Variants in HECTD2 observed in about 807,000 individuals in gnomAD.
The protein encoded by HECTD2 is HECT domain E3 ubiquitin protein ligase 2, also known as probable E3 ubiquitin-protein ligase HECTD2.
Under a neutral mutation model 103.2 loss-of-function variants are expected in HECTD2, and 35 were observed. The ratio of observed to expected loss-of-function variants is 0.34; its 90% CI spans 0.26 to 0.45. The LOEUF (loss-of-function observed/expected upper bound fraction) is 0.45. HECTD2 is among the 20% of genes least tolerant of loss of function. HECTD2 has a pLI of 1.00. For synonymous variants in HECTD2, 281 were observed against 329.9 expected (o/e 0.85, Z 1.61); for missense variants, 596 against 937.4 (o/e 0.64, Z 4.76).
rs755892571 is a variant in HECTD2, at chr10:91,491,354, AAT to A, written c.1299+50_1299+51del. 43 of 853,594 alleles carry A rather than the reference AAT, an allele frequency of 5.0e-5. No individual in the cohort carries two copies. In the African/African-American group the frequency reaches 7.1e-4, roughly 14 times the overall value. 52.9% of individuals were successfully genotyped at this position (853,594 alleles called of 1,614,324 possible). A position where few individuals can be genotyped will look rare whatever the true frequency, so the allele number is the denominator to read the frequency against. On this transcript the variant is annotated intron_variant, in intron 12 of 20. Coordinates refer to ENST00000298068, the MANE Select transcript of HECTD2 (RefSeq NM_182765.6). ...TATTAATTAAAGCTTAAAATTCTAT[AAT>A]ATGATTATTATAAAAATCATAGTAA...
intron 13 of HECTD2, among the ~76,000 whole-genome samples, 176 bp from the exon 14 acceptor site, chr10:91,493,244 T>G (rs1229351559): frequency 1.3e-5 from 2 of 151,626 alleles, no homozygotes; most frequent in Non-Finnish European, 3.0e-5. Context: ...TTGCTGAGAT[T>G]TGCAAATATA....
At chr10:91,433,358 T>G (rs1437483677) in intron 2 of HECTD2, among the ~76,000 whole-genome samples, 1 of 151,972 alleles carries the variant, frequency 6.6e-6, no homozygotes, top group Non-Finnish European at 1.5e-5. Flanking sequence ...TTTCCTGTGG[T>G]TTTTTAGGCA....
At chr10:91,497,185 A>G (rs962410016) in intron 15 of HECTD2, among the ~76,000 whole-genome samples, 7 of 134,292 alleles carry the variant, frequency 5.2e-5, no homozygotes, top group Non-Finnish European at 1.1e-4. Context: ...CATGTTGGCC[A>G]GGCTGGTCTC....
intron 1 of HECTD2, among the ~76,000 whole-genome samples, chr10:91,419,346 T>C (rs1843257880): frequency 6.6e-6 from 1 of 152,090 alleles, no homozygotes; most frequent in Non-Finnish European, 1.5e-5. Context: ...TAGGAACTCA[T>C]GTATTCAAAT....
intron 20 of HECTD2, among the ~76,000 whole-genome samples, chr10:91,511,453 T>C (rs1847416701): frequency 6.6e-6 from 1 of 152,148 alleles, no homozygotes; most frequent in East Asian, 1.9e-4. Flanking sequence ...CTGCTAGATG[T>C]TTTGTGTATA....
At chr10:91,436,669 G>C (rs1434624460) in intron 2 of HECTD2, among the ~76,000 whole-genome samples, 4 of 151,964 alleles carry the variant, frequency 2.6e-5, no homozygotes, top group Non-Finnish European at 4.4e-5. Flanking sequence ...AAGAGATCTA[G>C]GGAGCTAACT....
chr10:91,445,576 G>C (rs1237505919), intron 2 of HECTD2, among the ~76,000 whole-genome samples: 1 of 152,138 alleles, frequency 6.6e-6, no homozygotes, highest in Non-Finnish European at 1.5e-5. Flanking sequence ...TACAATGAAA[G>C]AAGAGGGAGT....
intron 1 of HECTD2, among the ~76,000 whole-genome samples, chr10:91,417,634 T>A (rs959124335): frequency 2.0e-5 from 3 of 150,672 alleles, no homozygotes; most frequent in Non-Finnish European, 4.4e-5. Flanking sequence ...TTTGTCCTTG[T>A]GATAGTTTGC....
intron 2 of HECTD2, among the ~76,000 whole-genome samples, chr10:91,457,126 T>C (rs1845136147): frequency 6.6e-6 from 1 of 152,078 alleles, no homozygotes; most frequent in African/African-American, 2.4e-5. Flanking sequence ...CAGTTTGAAA[T>C]AGTTAATTTG....
chr10:91,486,293 C>A (rs762429126), intron 10 of HECTD2: 1 of 152,154 alleles, frequency 6.6e-6, no homozygotes, highest in Non-Finnish European at 1.5e-5. Context: ...ACCCTAGTCC[C>A]AGATGGATAT....
chr10:91,415,113 GA>G (rs1843067039), intron 1 of HECTD2, among the ~76,000 whole-genome samples: 1 of 151,924 alleles, frequency 6.6e-6, no homozygotes. Flanking sequence ...CTAGACAGCA[GA>G]AATGAAAGAG....
intron 1 of HECTD2, among the ~76,000 whole-genome samples, chr10:91,411,302 C>G (rs1842909284): frequency 1.3e-5 from 2 of 151,980 alleles, no homozygotes; most frequent in African/African-American, 4.8e-5. Flanking sequence ...GCCCCCTCCC[C>G]CTCTTTCCCT....
At chr10:91,417,759 C>T (rs1180235762) in intron 1 of HECTD2, among the ~76,000 whole-genome samples, 1 of 152,026 alleles carries the variant, frequency 6.6e-6, no homozygotes, top group African/African-American at 2.4e-5. Flanking sequence ...TTAATCCAGT[C>T]TATCATTGTT....
chr10:91,480,063 A>G (rs577805881), intron 6 of HECTD2, among the ~76,000 whole-genome samples: 2 of 152,158 alleles, frequency 1.3e-5, no homozygotes, highest in Non-Finnish European at 2.9e-5. Context: ...GTTTCAGAAA[A>G]TCAGTTACTA....
intron 6 of HECTD2, among the ~76,000 whole-genome samples, chr10:91,479,160 A>T (rs904976132): frequency 6.6e-6 from 1 of 152,192 alleles, no homozygotes; most frequent in African/African-American, 2.4e-5. Context: ...GGTTGCAGTG[A>T]GCCAAGATCA....
intron 1 of HECTD2, among the ~76,000 whole-genome samples, chr10:91,419,875 C>A (rs1185183129): frequency 6.6e-6 from 1 of 152,100 alleles, no homozygotes; most frequent in Non-Finnish European, 1.5e-5. Context: ...CTGTAGGACT[C>A]ATAGATAACG....
chr10:91,439,202 G>T (rs1844278461), intron 2 of HECTD2, among the ~76,000 whole-genome samples: 1 of 152,006 alleles, frequency 6.6e-6, no homozygotes, highest in African/African-American at 2.4e-5. Flanking sequence ...GGGTTTTTAT[G>T]GTTTTAGGTT....
chr10:91,431,503 A>C (rs1431207343), intron 2 of HECTD2, among the ~76,000 whole-genome samples: 1 of 152,096 alleles, frequency 6.6e-6, no homozygotes. Context: ...TCTCCCCGTC[A>C]CTTTCAGGTA....
At chr10:91,482,905 A>G in intron 7 of HECTD2, 62 bp from the exon 8 acceptor site, 1 of 694,376 alleles carries the variant, frequency 1.4e-6, no homozygotes, top group Non-Finnish European at 2.5e-6. Flanking sequence ...TATTAAGCTT[A>G]GTGTCTTTCC....
Sources: allele counts gnomAD v4.1 joint callset (sites outside exome capture counted in the v4.1 genomes callset), GRCh38; gene constraint gnomAD v4.1.1; transcripts MANE v1.5; gene names NCBI Gene and HGNC (gene_info 2026-07-23, HGNC 2026-07-21).